Variants in MRTFA observed in about 807,000 individuals in gnomAD.
MRTFA encodes the protein myocardin related transcription factor A.
MRTFA carries 20 observed loss-of-function variants against 83.5 expected under a neutral mutation model. The observed-to-expected ratio is 0.24, with a 90% CI of 0.17 to 0.35. The LOEUF is 0.35. Among genes scored for constraint, MRTFA ranks in the 10% least tolerant of loss-of-function variants. The probability of loss-of-function intolerance (pLI) is 1.00; values close to 1 mark genes in which losing one functional copy is unlikely to be tolerated. For missense variants in MRTFA, 1,200 were observed against 1,224.7 expected, an observed-to-expected ratio of 0.98 and a Z score of 0.30; for synonymous variants, 659 against 541.2, an observed-to-expected ratio of 1.22 and a Z score of -3.02.
At chr22:40,436,066 ACCAAAATATGACT>A (rs1211095886) in intron 4 of MRTFA, among the ~76,000 whole-genome samples, 2 of 152,188 alleles carry the variant, frequency 1.3e-5, no homozygotes, top group Non-Finnish European at 2.9e-5. Context: ...TTTGGTAGAA[ACCAAAATATGACT>A]CCTAATGGGA....
At chr22:40,513,624 AGAAAAG>A (rs2054705410) in intron 3 of MRTFA, among the ~76,000 whole-genome samples, 1 of 151,710 alleles carries the variant, frequency 6.6e-6, no homozygotes, top group African/African-American at 2.4e-5. Context: ...AAAAAGAAAA[AGAAAAG>A]GAAAAGACAA....
intron 1 of MRTFA, among the ~76,000 whole-genome samples, chr22:40,604,515 G>A (rs1602485980): frequency 6.6e-6 from 1 of 151,886 alleles, no homozygotes; most frequent in African/African-American, 2.4e-5. Context: ...TTGGGAGACC[G>A]AGGTGGGCAG....
intron 1 of MRTFA, among the ~76,000 whole-genome samples, chr22:40,605,059 T>C (rs1007057294): frequency 6.6e-6 from 1 of 152,158 alleles, no homozygotes; most frequent in African/African-American, 2.4e-5. Context: ...ATGTTAACCT[T>C]TATCACTTAC....
At chr22:40,463,910 A>T (rs1317362072) in intron 3 of MRTFA, among the ~76,000 whole-genome samples, 5 of 152,140 alleles carry the variant, frequency 3.3e-5, no homozygotes, top group African/African-American at 1.2e-4. Flanking sequence ...CTCAAAGCAC[A>T]TCCGGGCTAG....
chr22:40,424,124 T>A (rs970325819), intron 8 of MRTFA, 82 bp downstream of exon 8: 1 of 1,402,392 alleles, frequency 7.1e-7, no homozygotes. Context: ...GCAGGAGGCA[T>A]CCCGTGGCCC....
intron 3 of MRTFA, among the ~76,000 whole-genome samples, chr22:40,479,426 C>T (rs2054052116): frequency 6.6e-6 from 1 of 152,086 alleles, no homozygotes; most frequent in Non-Finnish European, 1.5e-5. Context: ...TGCTGGCCGG[C>T]CTTTCCTCTC....
intron 3 of MRTFA, chr22:40,521,891 G>A (rs1276272703): frequency 6.7e-6 from 1 of 149,470 alleles, no homozygotes; most frequent in Non-Finnish European, 1.5e-5. Context: ...TGTTCTGTTG[G>A]CCAGGCTGGA....
chr22:40,613,675 G>A (rs750223000), intron 1 of MRTFA, among the ~76,000 whole-genome samples: 7 of 151,926 alleles, frequency 4.6e-5, no homozygotes, highest in Non-Finnish European at 7.4e-5. Flanking sequence ...GGGAAATACA[G>A]AGAGACCCTG....
intron 3 of MRTFA, among the ~76,000 whole-genome samples, chr22:40,528,638 G>A (rs2055020554): frequency 1.3e-5 from 2 of 151,640 alleles, no homozygotes; most frequent in South Asian, 2.1e-4. Flanking sequence ...TCAGGAGGCT[G>A]AGGCAGGAGA....
chr22:40,546,940 G>C (rs1345368421), intron 3 of MRTFA, among the ~76,000 whole-genome samples: 1 of 152,170 alleles, frequency 6.6e-6, no homozygotes, highest in African/African-American at 2.4e-5. Context: ...AGGATCACAA[G>C]GTCAGGAGAT....
At chr22:40,462,524 T>C (rs1477461338) in intron 4 of MRTFA, among the ~76,000 whole-genome samples, 1 of 152,212 alleles carries the variant, frequency 6.6e-6, no homozygotes, top group Non-Finnish European at 1.5e-5. Context: ...TCTCTGCTGA[T>C]GATTTAAAAA....
At chr22:40,491,734 T>TG (rs1227300799) in intron 3 of MRTFA, among the ~76,000 whole-genome samples, 1 of 151,990 alleles carries the variant, frequency 6.6e-6, no homozygotes, top group Non-Finnish European at 1.5e-5. Context: ...CTCTGCACGG[T>TG]GGGGAAAAAA....
chr22:40,461,002 C>A (rs549813473), intron 4 of MRTFA, among the ~76,000 whole-genome samples: 2 of 151,452 alleles, frequency 1.3e-5, no homozygotes, highest in South Asian at 4.2e-4. Context: ...AGTTCAAGAC[C>A]AGTCTGAGCA....
At chr22:40,587,637 T>C (rs868238738) in intron 2 of MRTFA, 9 of 305,108 alleles carry the variant, frequency 2.9e-5, no homozygotes, top group Non-Finnish European at 5.2e-5. Context: ...AGATAGCATA[T>C]TGTTTTTTGG....
At chr22:40,633,654 T>G (rs1436863011) in intron 1 of MRTFA, among the ~76,000 whole-genome samples, 2 of 152,084 alleles carry the variant, frequency 1.3e-5, no homozygotes, top group Non-Finnish European at 2.9e-5. Flanking sequence ...ATCACCAAAT[T>G]TATAAGTATA....
chr22:40,457,488 A>C (rs1027629524), intron 4 of MRTFA, among the ~76,000 whole-genome samples: 10 of 126,596 alleles, frequency 7.9e-5, no homozygotes, highest in African/African-American at 2.7e-4. Context: ...GAAAGAAAGA[A>C]GGAAAGAAAG....
At chr22:40,443,455 G>T (rs2053318417) in intron 4 of MRTFA, among the ~76,000 whole-genome samples, 1 of 151,926 alleles carries the variant, frequency 6.6e-6, no homozygotes, top group African/African-American at 2.4e-5. Context: ...AAAGAGACAT[G>T]GTGGTAAGTT....
intron 7 of MRTFA, among the ~76,000 whole-genome samples, chr22:40,426,545 T>G (rs1037222159): frequency 2.0e-5 from 3 of 152,098 alleles, no homozygotes; most frequent in Non-Finnish European, 2.9e-5. Context: ...TCCCCAACAA[T>G]CACCCCATTG....
intron 2 of MRTFA, among the ~76,000 whole-genome samples, chr22:40,565,410 G>A (rs181841472): frequency 2.4e-4 from 37 of 152,144 alleles, no homozygotes; most frequent in African/African-American, 4.6e-4. Flanking sequence ...AGCTGGGCAC[G>A]GTTGTGCACA....
Sources: gnomAD v4.1 joint callset for allele counts (sites outside exome capture counted in the v4.1 genomes callset) on GRCh38, gnomAD v4.1.1 for gene constraint, MANE v1.5 for transcripts, NCBI Gene and HGNC (gene_info 2026-07-23, HGNC 2026-07-21) for gene names.